CORIN: variants seen among roughly 807,000 people sequenced by gnomAD.
CORIN encodes corin, serine peptidase.
CORIN carries 117 observed loss-of-function variants against 125.3 expected under a neutral mutation model. The ratio of observed to expected loss-of-function variants is 0.93; its 90% CI spans 0.80 to 1.09. The LOEUF (loss-of-function observed/expected upper bound fraction) is 1.09, where lower values mean the gene tolerates loss of function less well. Among genes scored for constraint, CORIN ranks in the 50% least tolerant of loss-of-function variants. The pLI, the probability that CORIN is intolerant of heterozygous loss-of-function variation, is 0.00. For missense variants in CORIN, 1,253 were observed against 1,306.7 expected, an observed-to-expected ratio of 0.96 and a Z score of 0.63; for synonymous variants, 450 against 466.4, an observed-to-expected ratio of 0.96 and a Z score of 0.45.
chr4:47,628,049 T>C (rs979092620), intron 16 of CORIN, among the ~76,000 whole-genome samples: 2 of 152,196 alleles, frequency 1.3e-5, no homozygotes, highest in African/African-American at 4.8e-5. Context: ...GCAATCTAGA[T>C]GGAATTTCTC....
In CORIN at chr4:47,828,919, G is replaced by T. The variant is rs1030929658; in HGVS notation, c.63+8968C>A. ...CATGCCTGTAATCTCAGCACTTTGG[G>T]AGGCCGAGGCGGACGGATCACGAGG... On this transcript the variant is annotated intron_variant, in intron 1 of 21. Coordinates refer to ENST00000273857, the MANE Select transcript of CORIN (RefSeq NM_006587.4). Among the ~76,000 whole-genome samples the T allele has an allele frequency of 3.9e-5, 6 of 151,996 alleles. No individual in the cohort carries two copies. In the East Asian group the frequency reaches 1.2e-3, roughly 29 times the overall value.
At chr4:47,769,412 T>G (rs1012493015) in intron 3 of CORIN, among the ~76,000 whole-genome samples, 1 of 152,074 alleles carries the variant, frequency 6.6e-6, no homozygotes, top group Non-Finnish European at 1.5e-5. Context: ...CCTGTATTCA[T>G]GGTTTGGAAG....
chr4:47,801,561 G>A (rs1222321779), intron 2 of CORIN, among the ~76,000 whole-genome samples: 5 of 152,244 alleles, frequency 3.3e-5, no homozygotes, highest in East Asian at 1.9e-4. Flanking sequence ...CTTGAATGCT[G>A]ACACCATCCT....
At chr4:47,725,860 T>C (rs1475099505) in intron 5 of CORIN, among the ~76,000 whole-genome samples, 1 of 151,938 alleles carries the variant, frequency 6.6e-6, no homozygotes, top group Non-Finnish European at 1.5e-5. Context: ...AAAAGACTTG[T>C]ACCCAGAATA....
intron 19 of CORIN, among the ~76,000 whole-genome samples, chr4:47,618,071 A>C (rs1342722059): frequency 1.3e-5 from 2 of 152,222 alleles, no homozygotes; most frequent in African/African-American, 4.8e-5. Flanking sequence ...GCAGTGGCTC[A>C]TGCCTGTAAT....
Position 47,595,547 on chromosome 4 carries a change from AAAAAT to A in CORIN, c.*169_*173del, listed in dbSNP as rs1387525317. Reference sequence around the variant, plus strand: ...TGAAATAAGAGAAAAATGAAGGTGAAAAAATAAATTGAAAAAAATTAGTCCAAAAC... The same window carrying A: ...TGAAATAAGAGAAAAATGAAGGTGAAAAATTGAAAAAAATTAGTCCAAAAC... On this transcript the variant is annotated 3_prime_UTR_variant, in exon 22 of 22. Coordinates refer to ENST00000273857, the MANE Select transcript of CORIN (RefSeq NM_006587.4). 2.3e-6 allele frequency: 1 copy of A among 433,778 alleles called. No individual in the cohort carries two copies. Among genetic ancestry groups the A allele is most frequent in the African/African-American group, 2.0e-5 (1 of 49,516 alleles). 26.9% of individuals were successfully genotyped at this position (433,778 alleles called of 1,614,324 possible).
intron 1 of CORIN, among the ~76,000 whole-genome samples, chr4:47,823,880 T>A (rs968323617): frequency 4.6e-5 from 7 of 152,174 alleles, no homozygotes; most frequent in Non-Finnish European, 2.9e-5. Flanking sequence ...ACTCAGACCC[T>A]GAACCCCATC....
chr4:47,779,884 A>G (rs576891887), intron 3 of CORIN, among the ~76,000 whole-genome samples: 1 of 152,322 alleles, frequency 6.6e-6, no homozygotes, highest in East Asian at 1.9e-4. Context: ...AGTTTAGGGC[A>G]TTTCGGTCCA....
At position 47,763,683 on chromosome 4, in the gene CORIN, T is replaced by A. The variant is rs756950979; in HGVS notation, c.410-97A>T. On this transcript the variant is annotated intron_variant, in intron 3 of 21. Coordinates refer to ENST00000273857, the MANE Select transcript of CORIN (RefSeq NM_006587.4). Reference sequence around the variant, plus strand: ...TTGTTTATAAGATAAAGTATACTTATCACAAGAAAAAATTTAGATATGCAA... The same window carrying A: ...TTGTTTATAAGATAAAGTATACTTAACACAAGAAAAAATTTAGATATGCAA... The A allele has an allele frequency of 2.5e-4, 272 of 1,083,840 alleles. 1 individual carries two copies. The highest frequency in any genetic ancestry group is 3.5e-4 in the Non-Finnish European group (262 of 740,622). 67.1% of individuals were successfully genotyped at this position (1,083,840 alleles called of 1,614,324 possible). A position where few individuals can be genotyped will look rare whatever the true frequency, so the allele number is the denominator to read the frequency against.
In CORIN at chr4:47,779,442, T is replaced by C. The variant is rs1052602226; in HGVS notation, c.409+7283A>G. On this transcript the variant is annotated intron_variant, in intron 3 of 21. Coordinates refer to ENST00000273857, the MANE Select transcript of CORIN (RefSeq NM_006587.4). ...TGCATATTCTTTTTTTTTTCTTTTT[T>C]TTTTTTCTTTTTTAGATGGAGTTTT... Among the ~76,000 whole-genome samples, 13 of 152,036 alleles carry C rather than the reference T, an allele frequency of 8.6e-5. No individual in the cohort carries two copies. In the East Asian group the frequency reaches 9.6e-4, roughly 11 times the overall value.
At chr4:47,715,294 T>G (rs933015453) in intron 5 of CORIN, among the ~76,000 whole-genome samples, 1 of 152,208 alleles carries the variant, frequency 6.6e-6, no homozygotes, top group African/African-American at 2.4e-5. Context: ...AGATCATCCT[T>G]AAAGTCAGAA....
intron 12 of CORIN, among the ~76,000 whole-genome samples, chr4:47,654,348 C>G (rs1301389227): frequency 6.6e-6 from 1 of 152,148 alleles, no homozygotes; most frequent in East Asian, 1.9e-4. Context: ...CAAAAAAGCA[C>G]CTTCATAAGA....
At chr4:47,790,961 A>G (rs944330227) in intron 2 of CORIN, among the ~76,000 whole-genome samples, 2 of 152,172 alleles carry the variant, frequency 1.3e-5, no homozygotes. Context: ...TAATAATAAT[A>G]ATAGTCAAAC....
intron 4 of CORIN, among the ~76,000 whole-genome samples, chr4:47,756,106 T>A (rs985652970): frequency 1.3e-5 from 2 of 152,160 alleles, no homozygotes; most frequent in Non-Finnish European, 2.9e-5. Flanking sequence ...TGGTGAAAGA[T>A]AACAGGCCCT....
At chr4:47,825,338 G>A (rs1732696205) in intron 1 of CORIN, among the ~76,000 whole-genome samples, 1 of 152,080 alleles carries the variant, frequency 6.6e-6, no homozygotes, top group Non-Finnish European at 1.5e-5. Flanking sequence ...TATTCTGCCG[G>A]GCTTTCCCAC....
At chr4:47,634,395 A>G (rs1408030678) in intron 16 of CORIN, among the ~76,000 whole-genome samples, 4 of 152,222 alleles carry the variant, frequency 2.6e-5, no homozygotes, top group Admixed American at 6.5e-5. Flanking sequence ...GCACTTTGGG[A>G]GGCCAAAGCA....
rs772728319 is a variant in CORIN, at chr4:47,600,258, T to C, written c.2902A>G (p.Met968Val). The C allele has an allele frequency of 3.1e-6, 5 of 1,613,844 alleles. No homozygotes were observed. The East Asian group carries it at 1.1e-4, about 36-fold the overall frequency. The change falls in exon 21 of 22, where the codon ATG becomes GTG. Residue 968 changes from methionine to valine, a missense_variant. By Grantham distance (21) the Met-to-Val change is conservative. Coordinates refer to ENST00000273857, the MANE Select transcript of CORIN (RefSeq NM_006587.4). ...YFDMKTITTR[M>V]ICAGYESGTV... ...CCAGACTCATAGCCAGCACATATCA[T>C]CCGAGTGGTGATGGTCTTCATGTCA...
rs1195009658 is a variant in CORIN, at chr4:47,653,623, C to T, written c.1773G>A (p.Gln591=). 3 of 1,614,100 alleles carry T rather than the reference C, an allele frequency of 1.9e-6. No homozygotes were observed. The highest frequency in any genetic ancestry group is 2.5e-6 in the Non-Finnish European group (3 of 1,179,966). Residue 591 remains glutamine (Q), a synonymous_variant, in exon 13 of 22, where the codon CAG becomes CAA. Transcript: ENST00000273857. ...CACATCTTCTGGAAGCCAGAACACA[C>T]TGTCCTGAGCGGCACTTGAAATGAC... ...SPSHFKCRSG[Q]CVLASRRCDG...
intron 16 of CORIN, among the ~76,000 whole-genome samples, chr4:47,634,214 GA>G (rs373004359): frequency 8.5e-5 from 13 of 152,302 alleles, no homozygotes; most frequent in African/African-American, 2.6e-4. Context: ...GGGCAAAGGG[GA>G]TGGCAGCTTG....
Sources: allele counts gnomAD v4.1 joint callset (sites outside exome capture counted in the v4.1 genomes callset), GRCh38; gene constraint gnomAD v4.1.1; transcripts MANE v1.5; gene names NCBI Gene and HGNC (gene_info 2026-07-23, HGNC 2026-07-21).